Variants in LINGO1 observed in about 807,000 individuals in gnomAD.
LINGO1 encodes the protein leucine-rich repeat and immunoglobulin-like domain-containing nogo receptor-interacting protein 1.
LINGO1 carries 11 observed loss-of-function variants against 37.3 expected under a neutral mutation model. That is an observed-to-expected ratio of 0.29 (90% CI 0.19 to 0.49). LINGO1 has a LOEUF of 0.49. Ranked by LOEUF, LINGO1 falls within the 20% of genes least tolerant of loss-of-function variation. The probability of loss-of-function intolerance (pLI) is 0.99; values close to 1 mark genes in which losing one functional copy is unlikely to be tolerated. For synonymous variants in LINGO1, 387 were observed against 403.0 expected (o/e 0.96, Z 0.48); for missense variants, 585 against 878.2 (o/e 0.67, Z 4.22).
intron 1 of LINGO1, among the ~76,000 whole-genome samples, chr15:77,808,274 G>A (rs1295658180): frequency 6.6e-6 from 1 of 152,192 alleles, no homozygotes; most frequent in African/African-American, 2.4e-5. Context: ...CCCCAATGTG[G>A]CACACTGCCC....
At chr15:77,695,830 A>G (rs1256005549) in intron 1 of LINGO1, 3 of 152,098 alleles carry the variant, frequency 2.0e-5, no homozygotes, top group Non-Finnish European at 2.9e-5. Flanking sequence ...TCCCCAGAGC[A>G]TGCAAGGTTT....
intron 2 of LINGO1, among the ~76,000 whole-genome samples, chr15:77,724,226 G>T (rs1367883828): frequency 1.3e-5 from 2 of 152,192 alleles, no homozygotes; most frequent in East Asian, 3.9e-4. Flanking sequence ...GCCCACACAT[G>T]CACACATACA....
intron 2 of LINGO1, among the ~76,000 whole-genome samples, chr15:77,681,280 T>C (rs968576545): frequency 2.6e-5 from 4 of 152,096 alleles, no homozygotes; most frequent in South Asian, 2.1e-4. Context: ...AGGCTGAGGT[T>C]TTCATCCTGC....
intron 2 of LINGO1, among the ~76,000 whole-genome samples, chr15:77,680,070 C>T (rs151051896): frequency 5.1e-4 from 78 of 152,344 alleles, no homozygotes; most frequent in African/African-American, 1.8e-3. Flanking sequence ...AAAAGCGATG[C>T]GTGTCATTGA....
At chr15:77,772,037 AC>A in intron 1 of LINGO1, among the ~76,000 whole-genome samples, 1 of 152,148 alleles carries the variant, frequency 6.6e-6, no homozygotes, top group African/African-American at 2.4e-5. Context: ...TCCACTGTGT[AC>A]CCCACCTCTA....
chr15:77,769,963 T>G (rs1486091052), intron 1 of LINGO1, among the ~76,000 whole-genome samples: 1 of 152,132 alleles, frequency 6.6e-6, no homozygotes, highest in Admixed American at 6.5e-5. Flanking sequence ...ACAGAAACAC[T>G]GCAGTAAATG....
At chr15:77,677,371 C>T (rs907006042) in intron 2 of LINGO1, among the ~76,000 whole-genome samples, 2 of 152,172 alleles carry the variant, frequency 1.3e-5, no homozygotes, top group South Asian at 2.1e-4. Context: ...AGTGGCCAGC[C>T]CTTAATGGAT....
At chr15:77,801,310 C>A (rs2076916592) in intron 1 of LINGO1, among the ~76,000 whole-genome samples, 1 of 152,214 alleles carries the variant, frequency 6.6e-6, no homozygotes, top group East Asian at 1.9e-4. Flanking sequence ...TATAGCATGT[C>A]CACACTATGG....
intron 2 of LINGO1, among the ~76,000 whole-genome samples, chr15:77,718,028 G>A (rs1163682357): frequency 6.6e-6 from 1 of 150,930 alleles, no homozygotes; most frequent in Non-Finnish European, 1.5e-5. Flanking sequence ...GCCGAGGCCT[G>A]CCCAGAAGCT....
upstream of LINGO1, among the ~76,000 whole-genome samples, chr15:77,701,295 T>A (rs1596129897): frequency 6.6e-6 from 1 of 152,032 alleles, no homozygotes; most frequent in Non-Finnish European, 1.5e-5. Flanking sequence ...TGGCTGCAGG[T>A]CATCCCAAGC....
At chr15:77,749,381 C>T (rs2076348807) in intron 1 of LINGO1, among the ~76,000 whole-genome samples, 1 of 152,202 alleles carries the variant, frequency 6.6e-6, no homozygotes, top group Non-Finnish European at 1.5e-5. Flanking sequence ...TCAGCACCTC[C>T]CACCAGCCCC....
chr15:77,793,764 AG>A (rs2076836108), intron 2 of LINGO1, among the ~76,000 whole-genome samples: 1 of 152,258 alleles, frequency 6.6e-6, no homozygotes. Context: ...TATGGGATTA[AG>A]TGTAAAAGGC....
intron 1 of LINGO1, among the ~76,000 whole-genome samples, chr15:77,617,708 C>G (rs2142499174): frequency 6.6e-6 from 1 of 152,344 alleles, no homozygotes; most frequent in East Asian, 1.9e-4. Flanking sequence ...TCCAAGGTCA[C>G]CCAGCCAGTA....
At chr15:77,679,853 ACCACTCGATATGCC>A (rs928314554) in intron 2 of LINGO1, among the ~76,000 whole-genome samples, 4 of 152,318 alleles carry the variant, frequency 2.6e-5, no homozygotes, top group African/African-American at 9.6e-5. Context: ...GCCCATAGCA[ACCACTCGATATGCC>A]CCAGGTGGAG....
At chr15:77,778,693 G>A (rs774281658) in intron 1 of LINGO1, among the ~76,000 whole-genome samples, 6 of 152,050 alleles carry the variant, frequency 3.9e-5, no homozygotes, top group Non-Finnish European at 8.8e-5. Context: ...ACCACTCCAC[G>A]GCCACCAGCA....
In LINGO1 at chr15:77,632,377, G is replaced by A; in HGVS notation, c.-62C>T. 2 of 1,357,104 alleles carry A rather than the reference G, an allele frequency of 1.5e-6. No individual in the cohort carries two copies. Among genetic ancestry groups the A allele is most frequent in the Non-Finnish European group, 9.5e-7 (1 of 1,050,152 alleles). 84.1% of individuals were successfully genotyped at this position (1,357,104 alleles called of 1,614,324 possible). Reference sequence around the variant, plus strand: ...AATCGCATGTCTCTCCAGCCGGCCCGACCAGGCCCCAGCCCCTGCCCAGCC... The same window carrying A: ...AATCGCATGTCTCTCCAGCCGGCCCAACCAGGCCCCAGCCCCTGCCCAGCC... On this transcript the variant is annotated 5_prime_UTR_variant, in exon 1 of 2. Coordinates refer to ENST00000355300, the MANE Select transcript of LINGO1 (RefSeq NM_032808.7). The surrounding 1 kb of genome is among the most constrained non-coding windows in gnomAD (Gnocchi z 6.0).
chr15:77,772,974 T>A (rs768233538), intron 1 of LINGO1, among the ~76,000 whole-genome samples: 5 of 152,196 alleles, frequency 3.3e-5, no homozygotes. Context: ...TCCGTCAAGC[T>A]ACTACCCACT....
intron 1 of LINGO1, among the ~76,000 whole-genome samples, chr15:77,770,356 A>G (rs7172104): frequency 0.94 from 143,276 of 152,154 alleles, 67,570 homozygotes; most frequent in Non-Finnish European, 0.97. Context: ...GGGAGGCCGA[A>G]GCAGGCAGAT....
intron 3 of LINGO1, among the ~76,000 whole-genome samples, chr15:77,673,530 T>C (rs1412646234): frequency 6.6e-6 from 1 of 152,232 alleles, no homozygotes; most frequent in Non-Finnish European, 1.5e-5. Context: ...GCCCTTGGCG[T>C]CCAGGACATA....
Sources: gnomAD v4.1 joint callset for allele counts (sites outside exome capture counted in the v4.1 genomes callset) on GRCh38, gnomAD v4.1.1 for gene constraint, Gnocchi (gnomAD v3.1) non-coding constraint, MANE v1.5 for transcripts, NCBI Gene and HGNC (gene_info 2026-07-23, HGNC 2026-07-21) for gene names.